The following CNTNAP2 variants were observed in gnomAD, a reference collection of about 807,000 sequenced individuals.
CNTNAP2 encodes the protein contactin-associated protein-like 2.
CNTNAP2 carries 98 observed loss-of-function variants against 155.2 expected under a neutral mutation model. That is an observed-to-expected ratio of 0.63 (90% CI 0.54 to 0.75). The LOEUF is 0.75. CNTNAP2 is among the 30% of genes least tolerant of loss of function. The probability of loss-of-function intolerance (pLI) is 0.00; values close to 1 mark genes in which losing one functional copy is unlikely to be tolerated. For missense variants in CNTNAP2, 1,727 were observed against 1,688.1 expected (o/e 1.02, Z -0.40); for synonymous variants, 651 against 631.2 (o/e 1.03, Z -0.47).
chr7:147,694,408 A>G lies in CNTNAP2; in HGVS notation c.2098+55102A>G, dbSNP rs191017211. ...GCTTCTACCTTCTAGATAAGATTCTAGAGAATTGATATAAATTTCTTCTTT... is the reference window on the plus strand; with the variant it reads ...GCTTCTACCTTCTAGATAAGATTCTGGAGAATTGATATAAATTTCTTCTTT... On this transcript the variant is annotated intron_variant, in intron 13 of 23. Transcript: ENST00000361727. Among the ~76,000 whole-genome samples the G allele has an allele frequency of 9.2e-5, 14 of 152,252 alleles. 1 individual carries two copies. Among genetic ancestry groups the G allele is most frequent in the Admixed American group, 5.9e-4 (9 of 15,286 alleles).
intron 22 of CNTNAP2, among the ~76,000 whole-genome samples, chr7:148,392,394 T>TTCTA (rs1799371145): frequency 6.6e-6 from 1 of 152,174 alleles, no homozygotes; most frequent in South Asian, 2.1e-4. Flanking sequence ...TTTAAAGGAC[T>TTCTA]TCTAGTAGGT....
At chr7:146,592,917 C>T (rs1341789882) in intron 1 of CNTNAP2, among the ~76,000 whole-genome samples, 2 of 152,078 alleles carry the variant, frequency 1.3e-5, no homozygotes, top group Non-Finnish European at 2.9e-5. Context: ...TTTCACTTAG[C>T]ACCCTCTCCT....
intron 1 of CNTNAP2, among the ~76,000 whole-genome samples, chr7:146,522,752 TTAA>T (rs1797632643): frequency 6.7e-6 from 1 of 149,968 alleles, no homozygotes; most frequent in Non-Finnish European, 1.5e-5. Context: ...ATATCTATTA[TTAA>T]TATATAATAA....
At chr7:147,612,401 CTT>C (rs565607932) in intron 12 of CNTNAP2, among the ~76,000 whole-genome samples, 8 of 133,012 alleles carry the variant, frequency 6.0e-5, no homozygotes, top group Non-Finnish European at 4.9e-5. Flanking sequence ...AATTTTCTTT[CTT>C]TTTTTTTTTT....
chr7:146,365,460 T>C lies in CNTNAP2; in HGVS notation c.97+248487T>C, dbSNP rs528040877. Among the ~76,000 whole-genome samples the C allele has an allele frequency of 5.9e-5, 9 of 152,326 alleles. No homozygotes were observed. In the South Asian group the frequency reaches 1.9e-3, roughly 32 times the overall value. On this transcript the variant is annotated intron_variant, in intron 1 of 23. Coordinates refer to ENST00000361727, the MANE Select transcript of CNTNAP2 (RefSeq NM_014141.6). Reference sequence around the variant, plus strand: ...CTAAGCACTAAAACACTTATAGTAATTAAATTTCTACCTGGAGAAGCATAA... The same window carrying C: ...CTAAGCACTAAAACACTTATAGTAACTAAATTTCTACCTGGAGAAGCATAA...
chr7:147,500,354 AAC>A lies in CNTNAP2; in HGVS notation c.1777+14317_1777+14318del, dbSNP rs59925904. On this transcript the variant is annotated intron_variant, in intron 11 of 23. Coordinates refer to ENST00000361727, the MANE Select transcript of CNTNAP2 (RefSeq NM_014141.6). ...TCTCTTACAAACCATGAACAGTATA[AAC>A]ACATTGACAGTTCTTATACTAGATA... Among the ~76,000 whole-genome samples, 714 of 152,224 alleles carry A rather than the reference AAC, an allele frequency of 4.7e-3. 6 individuals are homozygous for A. The highest frequency in any genetic ancestry group is 0.016 in the African/African-American group (669 of 41,536).
chr7:146,786,210 A>G (rs1249398560), intron 2 of CNTNAP2, among the ~76,000 whole-genome samples: 1 of 152,212 alleles, frequency 6.6e-6, no homozygotes, highest in Non-Finnish European at 1.5e-5. Flanking sequence ...TCCTGTGATT[A>G]AATTCCATGC....
intron 10 of CNTNAP2, among the ~76,000 whole-genome samples, chr7:147,449,296 T>A (rs1309059611): frequency 1.3e-5 from 2 of 152,180 alleles, no homozygotes; most frequent in Admixed American, 6.6e-5. Context: ...AAAGCATGAC[T>A]GAGGAGTCAT....
chr7:146,701,123 A>G (rs1331601204), intron 1 of CNTNAP2, among the ~76,000 whole-genome samples: 1 of 152,210 alleles, frequency 6.6e-6, no homozygotes, highest in Admixed American at 6.5e-5. Flanking sequence ...TAGAAAAAAT[A>G]AATAAAACCA....
intron 2 of CNTNAP2, among the ~76,000 whole-genome samples, chr7:146,776,422 A>G (rs1802390808): frequency 6.6e-6 from 1 of 152,212 alleles, no homozygotes; most frequent in Non-Finnish European, 1.5e-5. Flanking sequence ...CTAGTCACCA[A>G]TGAGAAAATT....
intron 10 of CNTNAP2, among the ~76,000 whole-genome samples, chr7:147,479,051 C>A (rs1798373404): frequency 6.6e-6 from 1 of 152,178 alleles, no homozygotes; most frequent in South Asian, 2.1e-4. Flanking sequence ...TGCTGTGATC[C>A]TCATTCCTGT....
chr7:146,906,152 C>T (rs542842391), intron 3 of CNTNAP2, among the ~76,000 whole-genome samples: 7 of 152,220 alleles, frequency 4.6e-5, no homozygotes, highest in East Asian at 3.9e-4. Flanking sequence ...GAGGGTCCTA[C>T]GCCCACGGAG....
intron 9 of CNTNAP2, among the ~76,000 whole-genome samples, chr7:147,365,820 A>G (rs551901594): frequency 2.0e-5 from 3 of 152,278 alleles, no homozygotes; most frequent in African/African-American, 7.2e-5. Flanking sequence ...AGGAAACAAA[A>G]TCCTTTAGAA....
chr7:146,444,118 C>T lies in CNTNAP2; in HGVS notation c.97+327145C>T, dbSNP rs6464762. Among the ~76,000 whole-genome samples, 1,447 of 152,100 alleles carry T rather than the reference C, an allele frequency of 9.5e-3. 26 individuals carry two copies. Among genetic ancestry groups the T allele is most frequent in the African/African-American group, 0.033 (1,352 of 41,486 alleles). Reference sequence around the variant, plus strand: ...CACAACCTCGGCTCCCTGCAACCTCCGCCTCCTGGGTTCAAGCAATTCTTC... The same window carrying T: ...CACAACCTCGGCTCCCTGCAACCTCTGCCTCCTGGGTTCAAGCAATTCTTC... On this transcript the variant is annotated intron_variant, in intron 1 of 23. Transcript: ENST00000361727.
chr7:147,084,671 G>A (rs948237285), intron 4 of CNTNAP2, among the ~76,000 whole-genome samples: 19 of 145,706 alleles, frequency 1.3e-4, no homozygotes, highest in African/African-American at 4.5e-4. Context: ...ATAATATATA[G>A]CATATATAAG....
At chr7:148,351,918 C>T (rs1021352100) in intron 21 of CNTNAP2, among the ~76,000 whole-genome samples, 1 of 151,984 alleles carries the variant, frequency 6.6e-6, no homozygotes, top group African/African-American at 2.4e-5. Flanking sequence ...ATATGTGACC[C>T]CTACCTCATG....
chr7:147,902,091 G>A (rs938661339), intron 13 of CNTNAP2, among the ~76,000 whole-genome samples: 26 of 152,202 alleles, frequency 1.7e-4, no homozygotes, highest in African/African-American at 6.0e-4. Context: ...GTATGGTGTA[G>A]AATCAGTTCA....
intron 2 of CNTNAP2, among the ~76,000 whole-genome samples, chr7:146,797,819 TTC>T (rs1207744362): frequency 6.6e-6 from 1 of 152,216 alleles, no homozygotes; most frequent in Non-Finnish European, 1.5e-5. Context: ...TATCATCTCT[TTC>T]TCTGTCACTG....
At chr7:147,694,293 G>A (rs1166408530) in intron 13 of CNTNAP2, among the ~76,000 whole-genome samples, 1 of 152,008 alleles carries the variant, frequency 6.6e-6, no homozygotes, top group Non-Finnish European at 1.5e-5. Context: ...CTATATTCAT[G>A]AGAGATAATG....
Sources: gnomAD v4.1 joint callset for allele counts (sites outside exome capture counted in the v4.1 genomes callset) on GRCh38, gnomAD v4.1.1 for gene constraint, MANE v1.5 for transcripts, NCBI Gene and HGNC (gene_info 2026-07-23, HGNC 2026-07-21) for gene names.